The following UHRF2 variants were observed in gnomAD, a reference collection of about 807,000 sequenced individuals.
UHRF2 encodes ubiquitin like with PHD and ring finger domains 2, also known as E3 ubiquitin-protein ligase UHRF2.
In UHRF2, 23 loss-of-function variants were observed where a neutral mutation model predicts 96.8. That is an observed-to-expected ratio of 0.24 (90% CI 0.17 to 0.34). The LOEUF (loss-of-function observed/expected upper bound fraction) is 0.34, where lower values mean the gene tolerates loss of function less well. Ranked by LOEUF, UHRF2 falls within the 10% of genes least tolerant of loss-of-function variation. The pLI is 1.00. For synonymous variants in UHRF2, 385 were observed against 332.6 expected, an observed-to-expected ratio of 1.16 and a Z score of -1.72; for missense variants, 685 against 981.5, an observed-to-expected ratio of 0.70 and a Z score of 4.04.
At chr9:6,433,730 C>A (rs989325879) in intron 2 of UHRF2, among the ~76,000 whole-genome samples, 184 bp from the exon 3 acceptor site, 5 of 152,176 alleles carry the variant, frequency 3.3e-5, no homozygotes, top group Non-Finnish European at 7.3e-5. Flanking sequence ...TCATCTTAGT[C>A]AATAGATTTA....
At chr9:6,495,272 A>G (rs1752279109) in intron 10 of UHRF2, 1 of 152,210 alleles carries the variant, frequency 6.6e-6, no homozygotes, top group South Asian at 2.1e-4. Flanking sequence ...CAAGCAGTAA[A>G]CATGTTTTCT....
At chr9:6,415,192 A>T (rs1819523686) in intron 1 of UHRF2, 1 of 152,226 alleles carries the variant, frequency 6.6e-6, no homozygotes, top group Non-Finnish European at 1.5e-5. Context: ...TAATTATCAC[A>T]TATGGGATTG....
chr9:6,453,157 T>G (rs1487221672), intron 3 of UHRF2, among the ~76,000 whole-genome samples: 1 of 152,216 alleles, frequency 6.6e-6, no homozygotes, highest in African/African-American at 2.4e-5. Flanking sequence ...TGTACAAATT[T>G]AGTTTTGGTG....
intron 4 of UHRF2, among the ~76,000 whole-genome samples, chr9:6,461,572 C>T (rs996608411): frequency 7.9e-5 from 12 of 151,582 alleles, no homozygotes; most frequent in Non-Finnish European, 1.6e-4. Flanking sequence ...GGGGTTTCAC[C>T]ATGTTGGCCA....
intron 3 of UHRF2, among the ~76,000 whole-genome samples, chr9:6,451,626 G>A (rs1243618265): frequency 2.7e-5 from 4 of 149,952 alleles, no homozygotes; most frequent in East Asian, 2.0e-4. Context: ...GACTACAGGC[G>A]CCCGCCACCA....
At chr9:6,424,905 C>T (rs749839342) in intron 2 of UHRF2, among the ~76,000 whole-genome samples, 7 of 151,778 alleles carry the variant, frequency 4.6e-5, no homozygotes, top group Non-Finnish European at 8.8e-5. Context: ...GGAGGAAGAC[C>T]GCAGAGGTAT....
intron 2 of UHRF2, among the ~76,000 whole-genome samples, chr9:6,428,584 T>C (rs1483891818): frequency 1.6e-5 from 2 of 127,384 alleles, no homozygotes; most frequent in Admixed American, 1.9e-4. Flanking sequence ...ACGATCTCAT[T>C]CTGTCACTTG....
At chr9:6,482,166 C>T (rs2130911630) in intron 8 of UHRF2, 67 bp downstream of exon 8, 5 of 1,291,452 alleles carry the variant, frequency 3.9e-6, no homozygotes, top group East Asian at 2.3e-5. Flanking sequence ...ATGTTAATGT[C>T]TGTTGATTGT....
At chr9:6,461,368 C>G (rs1194762279) in intron 4 of UHRF2, among the ~76,000 whole-genome samples, 1 of 92,258 alleles carries the variant, frequency 1.1e-5, no homozygotes, top group Non-Finnish European at 1.9e-5. Context: ...CCCTCCTCCT[C>G]TCCCCCTCCT....
At chr9:6,494,136 A>G (rs1345641458) in intron 10 of UHRF2, 16 of 509,864 alleles carry the variant, frequency 3.1e-5, no homozygotes, top group Non-Finnish European at 4.8e-5. Context: ...CATAATTTCT[A>G]GTCTTACTGA....
At chr9:6,461,561 T>C (rs1040474703) in intron 4 of UHRF2, among the ~76,000 whole-genome samples, 3 of 151,528 alleles carry the variant, frequency 2.0e-5, no homozygotes, top group Admixed American at 1.3e-4. Context: ...TTAGTAGAGA[T>C]GGGGTTTCAC....
At chr9:6,484,785 C>CTTTTTTTTTTTT (rs34815980) in intron 8 of UHRF2, 9 of 66,278 alleles carry the variant, frequency 1.4e-4, no homozygotes, top group East Asian at 4.0e-4. Context: ...TCACTTCTTT[C>CTTTTTTTTTTTT]TTTTTTTTTT....
intron 3 of UHRF2, among the ~76,000 whole-genome samples, chr9:6,450,037 C>G (rs1489341554): frequency 6.6e-6 from 1 of 152,114 alleles, no homozygotes; most frequent in Non-Finnish European, 1.5e-5. Flanking sequence ...ATGGGTATAG[C>G]TTCATGCTAT....
At chr9:6,442,476 T>G (rs1821231089) in intron 3 of UHRF2, among the ~76,000 whole-genome samples, 1 of 2,022 alleles carries the variant, frequency 4.9e-4, no homozygotes, top group Non-Finnish European at 1.5e-3. Context: ...TGTTTTGTTT[T>G]GTTTGTTTTG....
chr9:6,504,809 T>C (rs1816497924), intron 15 of UHRF2, 118 bp downstream of exon 15: 11 of 672,206 alleles, frequency 1.6e-5, no homozygotes, highest in Admixed American at 1.0e-4. Flanking sequence ...CGGAACCTTC[T>C]AGTTAAGAAG....
chr9:6,474,184 G>A (rs749463387), intron 4 of UHRF2, among the ~76,000 whole-genome samples: 1 of 152,206 alleles, frequency 6.6e-6, no homozygotes, highest in Non-Finnish European at 1.5e-5. Flanking sequence ...CAACGGATGT[G>A]CATGTTGATA....
chr9:6,432,097 A>G (rs1820588291), intron 2 of UHRF2, among the ~76,000 whole-genome samples: 1 of 152,176 alleles, frequency 6.6e-6, no homozygotes, highest in Non-Finnish European at 1.5e-5. Flanking sequence ...GCCTATGTTT[A>G]TTTAATACAT....
chr9:6,483,324 CAA>C (rs34497002), intron 8 of UHRF2, among the ~76,000 whole-genome samples: 16 of 59,510 alleles, frequency 2.7e-4, no homozygotes, highest in South Asian at 6.1e-4. Context: ...GACTCTGTCT[CAA>C]AAAAAAAAAA....
intron 3 of UHRF2, chr9:6,449,419 C>A (rs1026771955): frequency 4.6e-5 from 7 of 152,238 alleles, no homozygotes; most frequent in African/African-American, 1.7e-4. Context: ...AAATGATAGA[C>A]CAGCATCATG....
Sources: gnomAD v4.1 joint callset for allele counts (sites outside exome capture counted in the v4.1 genomes callset) on GRCh38, gnomAD v4.1.1 for gene constraint, MANE v1.5 for transcripts, NCBI Gene and HGNC (gene_info 2026-07-23, HGNC 2026-07-21) for gene names.